Variants in OXA1L observed in about 807,000 individuals in gnomAD.
OXA1L encodes the protein OXA1L mitochondrial inner membrane insertase, also known as mitochondrial inner membrane protein OXA1L.
Under a neutral mutation model 52.2 loss-of-function variants are expected in OXA1L, and 42 were observed. The ratio of observed to expected loss-of-function variants is 0.80; its 90% CI spans 0.63 to 1.04. The LOEUF (loss-of-function observed/expected upper bound fraction) is 1.04. Ranked by LOEUF, OXA1L falls within the 50% of genes least tolerant of loss-of-function variation. The probability of loss-of-function intolerance (pLI) is 0.00; values close to 1 mark genes in which losing one functional copy is unlikely to be tolerated. For missense variants in OXA1L, 572 were observed against 555.0 expected (o/e 1.03, Z -0.31); for synonymous variants, 239 against 201.9 (o/e 1.18, Z -1.56).
rs369389424 is a variant in OXA1L, at chr14:22,767,917, C to T, written c.226-41C>T. 1.4e-5 allele frequency: 20 copies of T among 1,479,758 alleles called. No individual in the cohort carries two copies. In the African/African-American group the frequency reaches 2.0e-4, roughly 14 times the overall value. The allele number at this position is 1,479,758 out of a possible 1,614,324, so 91.7% of individuals were successfully genotyped here. On this transcript the variant is annotated intron_variant, in intron 2 of 9. Transcript: ENST00000612549. ...AAAAAGATCTCACTTGCTTTGTGTT[C>T]GCTACTGAATAAATATAATACAAGG...
intron 1 of OXA1L, 175 bp downstream of exon 1, chr14:22,766,939 A>G: frequency 1.3e-6 from 2 of 1,514,646 alleles, no homozygotes; most frequent in Non-Finnish European, 1.8e-6. Context: ...CTATGGGCCC[A>G]GCAGCCCGGT....
chr14:22,767,739 A>G (rs974174639), intron 2 of OXA1L: 22 of 516,650 alleles, frequency 4.3e-5, no homozygotes, highest in African/African-American at 3.8e-4. Flanking sequence ...ACTTCCCAGC[A>G]TGAAGGGAAG....
chr14:22,768,303 G>T, intron 3 of OXA1L, 132 bp downstream of exon 3: 1 of 677,380 alleles, frequency 1.5e-6, no homozygotes, highest in Non-Finnish European at 2.6e-6. Flanking sequence ...AGCAATAGAG[G>T]TTCATGATAC....
chr14:22,773,041 C>A lies in OXA1L; in HGVS notation c.*1483C>A. ...GTAACAATCCAACATTTGACTAGAG[C>A]AGTTTAAGTGTTCTGTTGTCTGCCT... is the stretch of plus-strand genomic sequence containing the variant. On this transcript the variant is annotated 3_prime_UTR_variant, in exon 10 of 10. Coordinates refer to ENST00000612549, the MANE Select transcript of OXA1L (RefSeq NM_005015.5). 3.5e-6 allele frequency: 1 copy of A among 283,524 alleles called. No homozygotes were observed. The highest frequency in any genetic ancestry group is 3.6e-5 in the South Asian group (1 of 27,482). 17.6% of individuals were successfully genotyped at this position (283,524 alleles called of 1,614,324 possible). A position where few individuals can be genotyped will look rare whatever the true frequency, so the allele number is the denominator to read the frequency against.
intron 2 of OXA1L, 84 bp from the exon 3 acceptor site, chr14:22,767,874 C>T: frequency 9.5e-7 from 1 of 1,048,362 alleles, no homozygotes; most frequent in Non-Finnish European, 1.4e-6. Flanking sequence ...GAGAACAGAA[C>T]CCAGTACTGG....
chr14:22,766,816 C>T, intron 1 of OXA1L, 52 bp downstream of exon 1: 1 of 1,609,570 alleles, frequency 6.2e-7, no homozygotes, highest in Non-Finnish European at 8.5e-7. Context: ...CCCAGTGAAC[C>T]AGGCCCCAGG....
rs937063833 is a variant in OXA1L at position 22,772,179 on chromosome 14, T to C, written c.*621T>C. On this transcript the variant is annotated 3_prime_UTR_variant, in exon 10 of 10. Transcript: ENST00000612549. The stretch of plus-strand genomic sequence containing the variant: ...CCTTGGAAAATATAATGTTTTAACC[T>C]GGCATTAAGGGTTTAAACTTCCACC... The C allele has an allele frequency of 2.0e-5, 3 of 152,166 alleles. No individual in the cohort carries two copies. Among genetic ancestry groups the C allele is most frequent in the African/African-American group, 7.3e-5 (3 of 41,320 alleles). 9.4% of individuals were successfully genotyped at this position (152,166 alleles called of 1,614,324 possible).
intron 3 of OXA1L, 28 bp from the exon 4 acceptor site, chr14:22,769,763 C>G: frequency 2.5e-6 from 4 of 1,613,392 alleles, no homozygotes; most frequent in Non-Finnish European, 3.4e-6. Flanking sequence ...GCTTTAATTT[C>G]ACTCCAATCC....
rs769406557 is a variant in OXA1L, at chr14:22,767,396, T to A, written c.212T>A (p.Phe71Tyr). ...AGCCTCAGTACCTCTGCTATCTCTT[T>A]TGCAGAAGTCCAGGTAAGAGGCCTT... ...PRSLSTSAISFAEVQVQAPPV... is the reference protein window; with the variant it reads ...PRSLSTSAISYAEVQVQAPPV... Residue 71 changes from phenylalanine to tyrosine, a missense_variant, in exon 2 of 10, where the codon TTT (phenylalanine) becomes TAT (tyrosine). Physicochemically the swap from Phe to Tyr is conservative, Grantham distance 22 (BLOSUM62 3). Transcript: ENST00000612549. The A allele has an allele frequency of 6.8e-6, 11 of 1,606,778 alleles. No individual in the cohort carries two copies. The South Asian group carries it at 7.8e-5, about 11-fold the overall frequency.
In OXA1L at chr14:22,772,920, G is replaced by A. The variant is rs1036112627; in HGVS notation, c.*1362G>A. The A allele has an allele frequency of 2.8e-5, 5 of 179,886 alleles. No homozygotes were observed. The highest frequency in any genetic ancestry group is 1.2e-4 in the African/African-American group (5 of 41,704). 11.1% of individuals were successfully genotyped at this position (179,886 alleles called of 1,614,324 possible). On this transcript the variant is annotated 3_prime_UTR_variant, in exon 10 of 10. Transcript: ENST00000612549. ...TGGGAGGATAGCTTAAGCCCAGGAG[G>A]TTGAGGCTGCAGTGATCCAAGATCA...
Position 22,769,896 on chromosome 14 carries a change from G to A in OXA1L, c.545G>A (p.Arg182Gln), listed in dbSNP as rs745756054. 183 of 1,614,146 alleles carry A rather than the reference G, an allele frequency of 1.1e-4. 5 individuals are homozygous for A. The Middle Eastern group carries it at 1.3e-3, about 12-fold the overall frequency. ...HLPEIQKFSS[R>Q]IREAKLAGDH... ...CCAGAGATCCAGAAGTTTTCCAGTC[G>A]AATCAGAGAGGCCAAGTTAGCAGGA... The change falls in exon 4 of 10, where the codon CGA (arginine) becomes CAA (glutamine). Residue 182 changes from arginine (R) to glutamine (Q), a missense_variant. By Grantham distance (43) the Arg-to-Gln change is conservative. Around this residue, in one of 5 missense-constraint regions of OXA1L, gnomAD observed 132 missense variants for 124.0 expected, o/e 1.06. Coordinates refer to ENST00000612549, the MANE Select transcript of OXA1L (RefSeq NM_005015.5).
At chr14:22,766,974 T>A (rs1342251729) in intron 1 of OXA1L, 2 of 1,527,968 alleles carry the variant, frequency 1.3e-6, no homozygotes, top group African/African-American at 2.7e-5. Flanking sequence ...TTGGCTTGGC[T>A]CCTGGCGAGA....
Position 22,767,271 on chromosome 14 carries a change from G to T in OXA1L, c.87G>T (p.Ser29=), listed in dbSNP as rs182214344. The change falls in exon 2 of 10, where the codon TCG becomes TCT. Residue 29 remains serine (S), a synonymous_variant. Transcript: ENST00000612549. ...GRRVHSVAGP[S]QWLGKPLTTR... is the part of the protein sequence containing the mutation. ...AGGTCCACAGCGTCGCAGGGCCCTC[G>T]CAATGGCTTGGGAAACCGCTGACCA... 44 of 1,611,504 alleles carry T rather than the reference G, an allele frequency of 2.7e-5. No homozygotes were observed. The East Asian group carries it at 9.1e-4, about 33-fold the overall frequency.
chr14:22,766,991 C>G (rs1427377665), intron 1 of OXA1L: 7 of 1,532,058 alleles, frequency 4.6e-6, no homozygotes, highest in Non-Finnish European at 5.2e-6. Context: ...GAGAGCACCT[C>G]GGCCTCGTTC....
In OXA1L at chr14:22,771,529, A is replaced by T; in HGVS notation, c.1279A>T (p.Lys427Ter). ...IPSSSSKPKSKYPWHDTLG is the reference protein window; with the variant it reads ...IPSSSSKPKS ...TAGCAGCAGCAGCAAACCAAAGTCA[A>T]AGTATCCCTGGCACGACACACTTGG... Residue 427 changes from lysine (K) to a stop codon, truncating the protein, a stop_gained, in exon 10 of 10, where the codon AAG (lysine) becomes TAG (stop). Transcript: ENST00000612549. LOFTEE classifies it high-confidence loss of function. 1 of 1,614,178 alleles carries T rather than the reference A, an allele frequency of 6.2e-7. No individual in the cohort carries two copies. The highest frequency in any genetic ancestry group is 8.5e-7 in the Non-Finnish European group (1 of 1,180,014).
Position 22,770,871 on chromosome 14 carries a change from C to A in OXA1L, c.901C>A (p.Pro301Thr), listed in dbSNP as rs779321199. The A allele has an allele frequency of 6.2e-7, 1 of 1,614,116 alleles. No homozygotes were observed. The highest frequency in any genetic ancestry group is 2.2e-5 in the East Asian group (1 of 44,890). Residue 301 changes from proline (P) to threonine (T), a missense_variant, in exon 7 of 10, where the codon CCC (proline) becomes ACC (threonine). Physicochemically the swap from Pro to Thr is conservative, Grantham distance 38 (BLOSUM62 -1). Coordinates refer to ENST00000612549, the MANE Select transcript of OXA1L (RefSeq NM_005015.5). ...GATGAGAAATGTCATCAGAATGATG[C>A]CCCTGATAACCTTGCCCATAACCAT... is the stretch of plus-strand genomic sequence containing the variant. Reference protein sequence around the residue: ...QWMRNVIRMMPLITLPITMHF... With the variant: ...QWMRNVIRMMTLITLPITMHF...
In OXA1L at chr14:22,772,909, A is replaced by C. The variant is rs1388206222; in HGVS notation, c.*1351A>C. On this transcript the variant is annotated 3_prime_UTR_variant, in exon 10 of 10. Coordinates refer to ENST00000612549, the MANE Select transcript of OXA1L (RefSeq NM_005015.5). ...GGAGGCTGAGGTGGGAGGATAGCTT[A>C]AGCCCAGGAGGTTGAGGCTGCAGTG... The C allele has an allele frequency of 1.1e-5, 2 of 174,422 alleles. No individual in the cohort carries two copies. The highest frequency in any genetic ancestry group is 4.8e-5 in the African/African-American group (2 of 41,596). The allele number at this position is 174,422 out of a possible 1,614,324, so 10.8% of individuals were successfully genotyped here.
chr14:22,766,928 A>T (rs1395819378), intron 1 of OXA1L, 164 bp downstream of exon 1: 5 of 1,512,754 alleles, frequency 3.3e-6, no homozygotes, highest in Non-Finnish European at 2.6e-6. Flanking sequence ...AGTCCCCGAC[A>T]CTATGGGCCC....
In OXA1L at chr14:22,767,236, T is replaced by C. The variant is rs762182694; in HGVS notation, c.64-12T>C. 6.3e-7 allele frequency: 1 copy of C among 1,598,196 alleles called. No individual in the cohort carries two copies. The highest frequency in any genetic ancestry group is 1.1e-5 in the South Asian group (1 of 89,434). ...CCGGTAAAGGGGCTCCATCATCCTTTTACACGCTCAGGTCCACAGCGTCGC... is the reference window on the plus strand; with the variant it reads ...CCGGTAAAGGGGCTCCATCATCCTTCTACACGCTCAGGTCCACAGCGTCGC... On this transcript the variant is annotated splice_polypyrimidine_tract_variant and intron_variant, in intron 1 of 9. Coordinates refer to ENST00000612549, the MANE Select transcript of OXA1L (RefSeq NM_005015.5).
Sources: allele counts gnomAD v4.1 joint callset, GRCh38; gene constraint gnomAD v4.1.1; regional missense constraint gnomAD v4.1.1; transcripts MANE v1.5; gene names NCBI Gene and HGNC (gene_info 2026-07-23, HGNC 2026-07-21).